The following EIPR1 variants were observed in gnomAD, a reference collection of about 807,000 sequenced individuals.
The protein encoded by EIPR1 is EARP complex and GARP complex interacting protein 1.
A neutral mutation model predicts 48.1 loss-of-function variants in EIPR1; 25 were observed. That is an observed-to-expected ratio of 0.52 (90% CI 0.38 to 0.73). EIPR1 has a LOEUF of 0.73. EIPR1 is among the 30% of genes least tolerant of loss of function. EIPR1 has a pLI of 0.00. For missense variants in EIPR1, 415 were observed against 506.2 expected (o/e 0.82, Z 1.73); for synonymous variants, 204 against 201.9 (o/e 1.01, Z -0.09).
At chr2:3,267,160 C>T (rs574718389) in intron 3 of EIPR1, among the ~76,000 whole-genome samples, 21 of 152,340 alleles carry the variant, frequency 1.4e-4, no homozygotes, top group African/African-American at 4.1e-4. Flanking sequence ...ATCCAACCTG[C>T]GGCTATTTCT....
chr2:3,191,740 G>A (rs545099991), intron 8 of EIPR1, among the ~76,000 whole-genome samples: 1 of 152,334 alleles, frequency 6.6e-6, no homozygotes, highest in Admixed American at 6.5e-5. Flanking sequence ...CCCTGGCACT[G>A]CACCGCTGAC....
intron 3 of EIPR1, among the ~76,000 whole-genome samples, chr2:3,293,734 G>A (rs1480676027): frequency 6.6e-6 from 1 of 152,172 alleles, no homozygotes; most frequent in Non-Finnish European, 1.5e-5. Flanking sequence ...TATGCTGCAG[G>A]TGAGACCCAC....
chr2:3,213,583 G>A (rs879170409), intron 5 of EIPR1, among the ~76,000 whole-genome samples: 4 of 152,136 alleles, frequency 2.6e-5, no homozygotes, highest in Non-Finnish European at 5.9e-5. Context: ...AGGACAGCAC[G>A]CTTGAAACGG....
At chr2:3,334,003 T>C (rs1192793603) in intron 3 of EIPR1, among the ~76,000 whole-genome samples, 1 of 152,048 alleles carries the variant, frequency 6.6e-6, no homozygotes, top group Non-Finnish European at 1.5e-5. Context: ...GATGCCACCG[T>C]TCACCAAAAT....
At chr2:3,198,660 A>G (rs1403014020) in intron 5 of EIPR1, among the ~76,000 whole-genome samples, 1 of 152,212 alleles carries the variant, frequency 6.6e-6, no homozygotes, top group East Asian at 1.9e-4. Context: ...TGGGGGAGAC[A>G]TCACATGTCA....
chr2:3,369,189 T>C (rs1293663285), intron 1 of EIPR1, among the ~76,000 whole-genome samples: 1 of 152,228 alleles, frequency 6.6e-6, no homozygotes, highest in African/African-American at 2.4e-5. Flanking sequence ...ATAATATATT[T>C]GACTACCTTA....
chr2:3,313,692 C>T (rs1669197198), intron 3 of EIPR1, among the ~76,000 whole-genome samples: 1 of 152,190 alleles, frequency 6.6e-6, no homozygotes. Flanking sequence ...GGAGCCTGGG[C>T]TTTATCGCCC....
chr2:3,199,593 C>T lies in EIPR1; in HGVS notation c.517-2576G>A, dbSNP rs1483916234. On this transcript the variant is annotated intron_variant, in intron 5 of 8. Coordinates refer to ENST00000382125, the MANE Select transcript of EIPR1 (RefSeq NM_003310.5). ...AGAGACCCACTGGGGGGACAGGGTA[C>T]CCATGACTCCATATCTGGGCAGAAG... 2.0e-5 allele frequency among the ~76,000 whole-genome samples: 3 copies of T among 152,170 alleles called. No individual in the cohort carries two copies. The East Asian group carries it at 5.8e-4, about 29-fold the overall frequency.
At chr2:3,344,180 C>T (rs1021212517) in intron 2 of EIPR1, among the ~76,000 whole-genome samples, 7 of 152,228 alleles carry the variant, frequency 4.6e-5, no homozygotes, top group African/African-American at 1.2e-4. Flanking sequence ...GATGGCAAAC[C>T]CCCCAGCTCT....
chr2:3,214,037 C>T (rs891154600), intron 5 of EIPR1, 112 bp downstream of exon 5: 10 of 895,194 alleles, frequency 1.1e-5, no homozygotes, highest in Admixed American at 2.1e-5. Context: ...GTGTGATGTT[C>T]CCCACCCTGT....
intron 3 of EIPR1, among the ~76,000 whole-genome samples, chr2:3,326,044 G>A (rs898654773): frequency 7.2e-5 from 11 of 152,210 alleles, no homozygotes; most frequent in African/African-American, 2.7e-4. Flanking sequence ...CTGCTCCCCA[G>A]TGCAGAGGAG....
At chr2:3,255,746 C>T (rs930243499) in intron 4 of EIPR1, among the ~76,000 whole-genome samples, 8 of 152,224 alleles carry the variant, frequency 5.3e-5, no homozygotes, top group East Asian at 1.9e-4. Flanking sequence ...CACTGACCTG[C>T]GCAGAGTCTC....
At chr2:3,236,173 C>T (rs191243983) in intron 4 of EIPR1, among the ~76,000 whole-genome samples, 2 of 152,222 alleles carry the variant, frequency 1.3e-5, no homozygotes, top group Admixed American at 6.5e-5. Flanking sequence ...ATGACATCGC[C>T]GTACGTGTAC....
chr2:3,208,405 G>A (rs1665307327), intron 5 of EIPR1: 1 of 1,438,784 alleles, frequency 7.0e-7, no homozygotes, highest in Non-Finnish European at 9.1e-7. Flanking sequence ...CCCCAGATCT[G>A]GCACTCAGAC....
intron 4 of EIPR1, among the ~76,000 whole-genome samples, chr2:3,256,073 T>G (rs1052317659): frequency 6.6e-6 from 1 of 152,166 alleles, no homozygotes; most frequent in Non-Finnish European, 1.5e-5. Flanking sequence ...ATTTTAATAC[T>G]CAGAGCATCT....
intron 3 of EIPR1, among the ~76,000 whole-genome samples, chr2:3,309,901 T>C (rs6759023): frequency 0.21 from 31,291 of 152,076 alleles, 5,232 homozygotes; most frequent in East Asian, 0.74. Flanking sequence ...GGTAGGATTC[T>C]CCCTGCAGGC....
chr2:3,351,586 A>G (rs1180162104), intron 2 of EIPR1, among the ~76,000 whole-genome samples: 1 of 152,172 alleles, frequency 6.6e-6, no homozygotes, highest in Non-Finnish European at 1.5e-5. Context: ...TGTAGGCACC[A>G]TCCCTGAAAC....
At chr2:3,252,942 G>C (rs948659591) in intron 4 of EIPR1, among the ~76,000 whole-genome samples, 1 of 152,226 alleles carries the variant, frequency 6.6e-6, no homozygotes, top group Admixed American at 6.5e-5. Context: ...TTTCTCCCTA[G>C]CCAGGGCTCT....
chr2:3,319,168 C>G (rs1669413638), intron 3 of EIPR1: 1 of 340,374 alleles, frequency 2.9e-6, no homozygotes, highest in Non-Finnish European at 5.8e-6. Context: ...GTGACAAAAA[C>G]CAGCAAGAAG....
Sources: gnomAD v4.1 joint callset for allele counts (sites outside exome capture counted in the v4.1 genomes callset) on GRCh38, gnomAD v4.1.1 for gene constraint, MANE v1.5 for transcripts, NCBI Gene and HGNC (gene_info 2026-07-23, HGNC 2026-07-21) for gene names.